CFAP91: variants seen among roughly 807,000 people sequenced by gnomAD.
CFAP91 encodes the protein cilia- and flagella-associated protein 91.
In CFAP91, 85 loss-of-function variants were observed where a neutral mutation model predicts 95.9. The observed-to-expected ratio is 0.89, with a 90% CI of 0.74 to 1.06. The LOEUF (loss-of-function observed/expected upper bound fraction) is 1.06. Among genes scored for constraint, CFAP91 ranks in the 50% least tolerant of loss-of-function variants. CFAP91 has a pLI of 0.00. For missense variants in CFAP91, 962 were observed against 943.4 expected, an observed-to-expected ratio of 1.02 and a Z score of -0.26; for synonymous variants, 335 against 327.5, an observed-to-expected ratio of 1.02 and a Z score of -0.25.
chr3:119,719,579 C>T (rs1438263296), intron 6 of CFAP91, among the ~76,000 whole-genome samples: 1 of 152,062 alleles, frequency 6.6e-6, no homozygotes, highest in African/African-American at 2.4e-5. Context: ...AAAGTTGAAA[C>T]AAATAGTTGA....
intron 6 of CFAP91, among the ~76,000 whole-genome samples, chr3:119,725,576 A>G (rs2053767093): frequency 6.6e-6 from 1 of 152,146 alleles, no homozygotes; most frequent in East Asian, 1.9e-4. Flanking sequence ...CAACATGGTG[A>G]AACCTTGTCT....
intron 13 of CFAP91, among the ~76,000 whole-genome samples, chr3:119,742,607 T>G (rs1048812467): frequency 1.3e-5 from 2 of 152,158 alleles, no homozygotes; most frequent in African/African-American, 4.8e-5. Context: ...AAGGAGAGAA[T>G]CTATTTGTGA....
intron 16 of CFAP91, among the ~76,000 whole-genome samples, chr3:119,749,919 A>G (rs1481230704): frequency 2.6e-5 from 4 of 152,354 alleles, no homozygotes; most frequent in African/African-American, 9.6e-5. Context: ...AGTTCCAAGA[A>G]GTTCACTGAA....
intron 1 of CFAP91, among the ~76,000 whole-genome samples, chr3:119,705,385 G>A (rs2053339675): frequency 6.6e-6 from 1 of 152,122 alleles, no homozygotes; most frequent in South Asian, 2.1e-4. Context: ...TAGTTCCCTA[G>A]TTACTTCTCT....
Position 119,703,073 on chromosome 3 carries a change from G to A in CFAP91, c.-26G>A, listed in dbSNP as rs2107846520. ...GCCAGGCCTGACCCGCTGGTCCCTT[G>A]CTGGCGGGAGGAAAGAGGCGGCACC... is the stretch of plus-strand genomic sequence containing the variant. On this transcript the variant is annotated 5_prime_UTR_variant, in exon 1 of 18. Transcript: ENST00000273390. 1 of 1,550,172 alleles carries A rather than the reference G, an allele frequency of 6.5e-7. No homozygotes were observed. The highest frequency in any genetic ancestry group is 1.2e-5 in the South Asian group (1 of 84,058).
Position 119,748,373 on chromosome 3 carries a change from T to C in CFAP91, c.2143+471T>C, listed in dbSNP as rs576874890. Among the ~76,000 whole-genome samples the C allele has an allele frequency of 5.3e-5, 8 of 152,354 alleles. No homozygotes were observed. The South Asian group carries it at 1.7e-3, about 32-fold the overall frequency. On this transcript the variant is annotated intron_variant, in intron 16 of 17. Transcript: ENST00000273390. The stretch of plus-strand genomic sequence containing the variant: ...TATTTCTGCTGGAACTCCATCCAAG[T>C]ATAAATATCCTAATTTATCATTTGT...
At chr3:119,728,742 G>A (rs1025652348) in intron 7 of CFAP91, among the ~76,000 whole-genome samples, 2 of 152,178 alleles carry the variant, frequency 1.3e-5, no homozygotes, top group African/African-American at 4.8e-5. Context: ...CCCCTGCTGA[G>A]GCCCTGCTTT....
intron 8 of CFAP91, among the ~76,000 whole-genome samples, chr3:119,731,318 C>A (rs1300831622): frequency 1.3e-5 from 2 of 152,120 alleles, no homozygotes; most frequent in African/African-American, 4.8e-5. Context: ...TTTAAAAAAT[C>A]ATTCAAAACT....
intron 6 of CFAP91, among the ~76,000 whole-genome samples, chr3:119,719,963 C>T (rs1035173170): frequency 4.0e-5 from 6 of 151,532 alleles, no homozygotes; most frequent in African/African-American, 9.7e-5. Context: ...ATTAGCCAGA[C>T]GTGGTGGTGG....
chr3:119,764,577 T>C (rs772090761), intron 17 of CFAP91, among the ~76,000 whole-genome samples: 15 of 152,232 alleles, frequency 9.9e-5, no homozygotes, highest in Non-Finnish European at 1.8e-4. Context: ...AAGGCATACA[T>C]GGTTTTTTAA....
intron 2 of CFAP91, chr3:119,707,156 T>C (rs531392460): frequency 1.8e-6 from 1 of 545,060 alleles, no homozygotes; most frequent in South Asian, 2.8e-5. Context: ...AGAATTCAAG[T>C]AGTATAAAAG....
chr3:119,747,969 G>T, intron 16 of CFAP91, 67 bp downstream of exon 16: 1 of 1,231,496 alleles, frequency 8.1e-7, no homozygotes, highest in Non-Finnish European at 1.2e-6. Context: ...ATATCCCAGA[G>T]ATTTAAAATT....
rs546175013 is a variant in CFAP91 at position 119,723,372 on chromosome 3, T to G, written c.683-2799T>G. Among the ~76,000 whole-genome samples the G allele has an allele frequency of 2.0e-5, 3 of 152,332 alleles. No homozygotes were observed. In the East Asian group the frequency reaches 5.8e-4, roughly 29 times the overall value. On this transcript the variant is annotated intron_variant, in intron 6 of 17. Transcript: ENST00000273390. ...ACTCTAGCATTTCTACTTCTAAGAA[T>G]CCTAGAGAAGCTCACATATGGTACA...
In CFAP91 at chr3:119,733,858, A is replaced by G. The variant is rs145609611; in HGVS notation, c.1344+352A>G. Among the ~76,000 whole-genome samples the G allele has an allele frequency of 8.2e-3, 1,252 of 152,250 alleles. 12 individuals are homozygous for G. Among genetic ancestry groups the G allele is most frequent in the Middle Eastern group, 0.058 (17 of 294 alleles). ...GCCCGATTTTCTCCCTTTTGTGTTC[A>G]TGTGATCAGGGCATATGAAGAAAAA... On this transcript the variant is annotated intron_variant, in intron 10 of 17. Coordinates refer to ENST00000273390, the MANE Select transcript of CFAP91 (RefSeq NM_033364.4).
chr3:119,743,400 G>A (rs1021191133), intron 13 of CFAP91, among the ~76,000 whole-genome samples: 1 of 152,190 alleles, frequency 6.6e-6, no homozygotes, highest in Non-Finnish European at 1.5e-5. Context: ...TTACAGGCCT[G>A]AGCCACCATG....
intron 4 of CFAP91, 56 bp downstream of exon 4, chr3:119,708,730 T>C: frequency 9.7e-7 from 1 of 1,026,316 alleles, no homozygotes; most frequent in Admixed American, 2.2e-5. Flanking sequence ...AGAACCTCTT[T>C]ATGATAATAA....
chr3:119,730,269 G>A lies in CFAP91; in HGVS notation c.910G>A (p.Glu304Lys). ...EVLKELLRKR[E>K]ENQNEVNMKH... ...TCTAAAAGAGCTGTTGAGGAAGCGT[G>A]AAGAGAATCAGAATGAAGTGAATAT... Residue 304 changes from glutamate to lysine, a missense_variant, in exon 8 of 18, where the codon GAA becomes AAA. By Grantham distance (56) the Glu-to-Lys change is moderately conservative (BLOSUM62 1). Transcript: ENST00000273390. 1 of 1,614,124 alleles carries A rather than the reference G, an allele frequency of 6.2e-7. No homozygotes were observed. The highest frequency in any genetic ancestry group is 8.5e-7 in the Non-Finnish European group (1 of 1,180,014).
At chr3:119,758,602 A>G (rs962452975) in intron 17 of CFAP91, among the ~76,000 whole-genome samples, 3 of 152,168 alleles carry the variant, frequency 2.0e-5, no homozygotes, top group Non-Finnish European at 4.4e-5. Flanking sequence ...TATTGTAATG[A>G]CCTGCTAAAA....
At chr3:119,708,749 A>T (rs2053420962) in intron 4 of CFAP91, 75 bp downstream of exon 4, 1 of 921,196 alleles carries the variant, frequency 1.1e-6, no homozygotes, top group Admixed American at 2.3e-5. Flanking sequence ...AATAATAGTT[A>T]TCATTTTTCA....
Sources: allele counts gnomAD v4.1 joint callset (sites outside exome capture counted in the v4.1 genomes callset), GRCh38; gene constraint gnomAD v4.1.1; transcripts MANE v1.5; gene names NCBI Gene and HGNC (gene_info 2026-07-23, HGNC 2026-07-21).